Variants in XRCC6 observed in about 807,000 individuals in gnomAD.
XRCC6 encodes X-ray repair cross complementing 6, also known as DNA repair protein Ku70.
A neutral mutation model predicts 65.7 loss-of-function variants in XRCC6; 5 were observed. The observed-to-expected ratio is 0.08, with a 90% CI of 0.04 to 0.16. The LOEUF is 0.16. Ranked by LOEUF, XRCC6 falls within the 10% of genes least tolerant of loss-of-function variation. The probability of loss-of-function intolerance (pLI) is 1.00; values close to 1 mark genes in which losing one functional copy is unlikely to be tolerated. For missense variants in XRCC6, 447 were observed against 738.1 expected (o/e 0.61, Z 4.57); for synonymous variants, 270 against 270.6 (o/e 1.00, Z 0.02).
chr22:41,653,822 T>G, intron 9 of XRCC6, 132 bp downstream of exon 9: 1 of 1,212,148 alleles, frequency 8.2e-7, no homozygotes, highest in Non-Finnish European at 1.1e-6. Flanking sequence ...TTTTAAGCTT[T>G]CTTGGGTGAA....
intron 2 of XRCC6, among the ~76,000 whole-genome samples, chr22:41,624,238 T>G (rs2067643694): frequency 2.0e-5 from 3 of 152,136 alleles, no homozygotes; most frequent in African/African-American, 7.2e-5. Context: ...ATACAAAAGT[T>G]AGCTGAGTCT....
chr22:41,637,919 G>T, intron 6 of XRCC6, 128 bp downstream of exon 6: 7 of 832,222 alleles, frequency 8.4e-6, no homozygotes, highest in East Asian at 4.1e-5. Context: ...GAGCCTAGGA[G>T]TTGAGACCAG....
intron 3 of XRCC6, among the ~76,000 whole-genome samples, chr22:41,630,139 A>G (rs1362056985): frequency 6.6e-6 from 1 of 151,706 alleles, no homozygotes; most frequent in African/African-American, 2.4e-5. Flanking sequence ...ACGTGTCACC[A>G]TGCCCAGCTA....
intron 11 of XRCC6, among the ~76,000 whole-genome samples, chr22:41,659,767 C>T (rs1285523414): frequency 6.6e-6 from 1 of 151,756 alleles, no homozygotes; most frequent in Non-Finnish European, 1.5e-5. Context: ...TCACTGAAAC[C>T]TTTGGCTCCC....
At chr22:41,629,008 C>G (rs1468678959) in intron 3 of XRCC6, among the ~76,000 whole-genome samples, 2 of 142,668 alleles carry the variant, frequency 1.4e-5, no homozygotes, top group Non-Finnish European at 3.0e-5. Flanking sequence ...CAAAGATATG[C>G]AGATGTCCAA....
chr22:41,642,123 C>T (rs181680670), intron 6 of XRCC6, among the ~76,000 whole-genome samples: 123 of 152,234 alleles, frequency 8.1e-4, no homozygotes, highest in Non-Finnish European at 1.6e-3. Flanking sequence ...ACACTTAGGT[C>T]GCTTCCAAAT....
At chr22:41,625,104 A>G (rs1376454694) in intron 2 of XRCC6, among the ~76,000 whole-genome samples, 2 of 151,976 alleles carry the variant, frequency 1.3e-5, no homozygotes, top group Middle Eastern at 3.2e-3. Flanking sequence ...TCAGGAGTTC[A>G]AGACCAGCCT....
chr22:41,656,819 C>T, intron 9 of XRCC6, 84 bp from the exon 10 acceptor site: 1 of 1,593,116 alleles, frequency 6.3e-7, no homozygotes, highest in South Asian at 1.1e-5. Flanking sequence ...CACCACAGGA[C>T]ATAAAAGGAA....
chr22:41,625,259 G>A (rs2067657174), intron 2 of XRCC6, among the ~76,000 whole-genome samples: 1 of 152,184 alleles, frequency 6.6e-6, no homozygotes. Context: ...AGCCAAGATC[G>A]CGTCATCGCA....
intron 6 of XRCC6, among the ~76,000 whole-genome samples, chr22:41,642,070 C>T (rs2067883707): frequency 6.6e-6 from 1 of 152,134 alleles, no homozygotes; most frequent in Admixed American, 6.6e-5. Context: ...CTGAATAGTA[C>T]TCCATTGTAC....
intron 3 of XRCC6, among the ~76,000 whole-genome samples, chr22:41,632,513 A>C (rs891812835): frequency 4.6e-5 from 7 of 152,114 alleles, no homozygotes; most frequent in Admixed American, 4.6e-4. Context: ...CAGGAGGCTG[A>C]GGCAGGAGAA....
At chr22:41,621,572 G>C in intron 1 of XRCC6, 1 of 168,202 alleles carries the variant, frequency 5.9e-6, no homozygotes, top group South Asian at 1.3e-4. Flanking sequence ...GCCTGCGCTT[G>C]CGGCCCGCCT....
intron 6 of XRCC6, among the ~76,000 whole-genome samples, chr22:41,645,439 G>A (rs2067921461): frequency 6.6e-6 from 1 of 152,012 alleles, no homozygotes; most frequent in Admixed American, 6.6e-5. Context: ...GCCATTATGA[G>A]AAGAAAGTAT....
At position 41,645,820 on chromosome 22, in the gene XRCC6, C is replaced by T. The variant is rs552486025; in HGVS notation, c.774-1076C>T. 4.0e-5 allele frequency among the ~76,000 whole-genome samples: 6 copies of T among 151,626 alleles called. No homozygotes were observed. In the South Asian group the frequency reaches 6.3e-4, roughly 16 times the overall value. On this transcript the variant is annotated intron_variant, in intron 6 of 12. Transcript: ENST00000360079. ...AAGCGATTCTCCTGCCTCAGCCTCC[C>T]GAGTAGCTGGGATTATAGACTGTGC...
intron 9 of XRCC6, among the ~76,000 whole-genome samples, chr22:41,654,717 CAG>C (rs2147110943): frequency 6.6e-6 from 1 of 152,252 alleles, no homozygotes; most frequent in South Asian, 2.1e-4. Flanking sequence ...GGGTGAAGCT[CAG>C]AGAAGGCCCC....
At chr22:41,642,563 G>A (rs2067890305) in intron 6 of XRCC6, among the ~76,000 whole-genome samples, 1 of 152,156 alleles carries the variant, frequency 6.6e-6, no homozygotes, top group Non-Finnish European at 1.5e-5. Context: ...GTATGATTTT[G>A]TGGTTCCACA....
intron 3 of XRCC6, among the ~76,000 whole-genome samples, chr22:41,632,740 T>C (rs1302344368): frequency 1.3e-5 from 2 of 151,616 alleles, no homozygotes; most frequent in Non-Finnish European, 2.9e-5. Context: ...AGAGGATTGC[T>C]TGAGCCCAGG....
intron 3 of XRCC6, among the ~76,000 whole-genome samples, chr22:41,633,691 C>T (rs1409947190): frequency 1.3e-5 from 2 of 152,078 alleles, no homozygotes; most frequent in East Asian, 3.9e-4. Flanking sequence ...AACCGTGGAC[C>T]TCTTTGAGGA....
intron 3 of XRCC6, among the ~76,000 whole-genome samples, chr22:41,634,185 A>T (rs898464150): frequency 6.6e-5 from 10 of 150,986 alleles, no homozygotes; most frequent in Admixed American, 2.0e-4. Context: ...TCCAAAACTT[A>T]ATTTTTTTTT....
Sources: allele counts gnomAD v4.1 joint callset (sites outside exome capture counted in the v4.1 genomes callset), GRCh38; gene constraint gnomAD v4.1.1; transcripts MANE v1.5; gene names NCBI Gene and HGNC (gene_info 2026-07-23, HGNC 2026-07-21).